RBMS3: variants seen among roughly 807,000 people sequenced by gnomAD.
RBMS3 encodes RNA-binding motif, single-stranded-interacting protein 3.
Under a neutral mutation model 66.8 loss-of-function variants are expected in RBMS3, and 27 were observed. The ratio of observed to expected loss-of-function variants is 0.40; its 90% CI spans 0.30 to 0.56. The LOEUF (loss-of-function observed/expected upper bound fraction) is 0.56. RBMS3 is among the 20% of genes least tolerant of loss of function. RBMS3 has a pLI of 0.40. For synonymous variants in RBMS3, 188 were observed against 183.0 expected (o/e 1.03, Z -0.22); for missense variants, 513 against 549.5 (o/e 0.93, Z 0.66).
chr3:29,377,894 T>A (rs2038560561), intron 1 of RBMS3, among the ~76,000 whole-genome samples: 1 of 152,210 alleles, frequency 6.6e-6, no homozygotes, highest in South Asian at 2.1e-4. Context: ...CCAAAACTAG[T>A]CTTTTAGCAA....
At chr3:29,790,760 C>T (rs577905082) in intron 6 of RBMS3, among the ~76,000 whole-genome samples, 51 of 152,192 alleles carry the variant, frequency 3.4e-4, no homozygotes, top group Non-Finnish European at 5.1e-4. Context: ...AGTCAGTTAT[C>T]GGGATTTTGA....
At chr3:29,808,906 A>G (rs1317663406) in intron 6 of RBMS3, among the ~76,000 whole-genome samples, 9 of 151,966 alleles carry the variant, frequency 5.9e-5, no homozygotes, top group Non-Finnish European at 1.3e-4. Context: ...TTTAAAAGAT[A>G]TTGTAGGAAC....
At chr3:29,803,593 A>G (rs557751006) in intron 6 of RBMS3, among the ~76,000 whole-genome samples, 1 of 152,226 alleles carries the variant, frequency 6.6e-6, no homozygotes, top group South Asian at 2.1e-4. Context: ...GCCAAAAGAT[A>G]TATTTTATCA....
At chr3:29,465,418 T>TTAATATGTTCCTCCAGAG (rs201418037) in intron 2 of RBMS3, among the ~76,000 whole-genome samples, 5,678 of 152,008 alleles carry the variant, frequency 0.037, 236 homozygotes, top group East Asian at 0.24. Flanking sequence ...TAATAAATAG[T>TTAATATGTTCCTCCAGAG]TAATATGTTC....
chr3:29,617,010 AT>A (rs1330424199), intron 4 of RBMS3: 1 of 152,142 alleles, frequency 6.6e-6, no homozygotes, highest in East Asian at 1.9e-4. Context: ...AGTCATTTTT[AT>A]TTTCACTGCA....
chr3:29,387,734 C>T (rs2039073578), intron 1 of RBMS3, among the ~76,000 whole-genome samples: 1 of 151,864 alleles, frequency 6.6e-6, no homozygotes, highest in African/African-American at 2.4e-5. Flanking sequence ...AACCCCGTCC[C>T]TACTAAAAAA....
At chr3:29,604,409 A>C (rs2149122815) in intron 4 of RBMS3, among the ~76,000 whole-genome samples, 1 of 151,998 alleles carries the variant, frequency 6.6e-6, no homozygotes, top group East Asian at 1.9e-4. Context: ...CCTTTGTGAC[A>C]CTTCTATTTT....
chr3:29,954,623 A>G (rs958436993), intron 12 of RBMS3, among the ~76,000 whole-genome samples: 7 of 151,990 alleles, frequency 4.6e-5, no homozygotes, highest in African/African-American at 1.4e-4. Flanking sequence ...CTTTCAGCCA[A>G]TGGTGCTTAA....
intron 5 of RBMS3, among the ~76,000 whole-genome samples, chr3:29,745,567 T>G (rs982621664): frequency 6.6e-6 from 1 of 151,776 alleles, no homozygotes; most frequent in Non-Finnish European, 1.5e-5. Flanking sequence ...CAGTAAAGAA[T>G]GACCCAAAGT....
chr3:29,873,896 T>C (rs955805478), intron 7 of RBMS3, among the ~76,000 whole-genome samples: 1 of 152,240 alleles, frequency 6.6e-6, no homozygotes, highest in Non-Finnish European at 1.5e-5. Context: ...CATTTATTAA[T>C]TGTCATGTGT....
chr3:29,468,924 A>G (rs2042629535), intron 2 of RBMS3, among the ~76,000 whole-genome samples: 2 of 152,124 alleles, frequency 1.3e-5, no homozygotes, highest in Non-Finnish European at 2.9e-5. Context: ...TTTTGTGTGT[A>G]TATTATAACC....
At chr3:29,997,878 T>C (rs1010596503) in intron 14 of RBMS3, among the ~76,000 whole-genome samples, 3 of 152,270 alleles carry the variant, frequency 2.0e-5, no homozygotes, top group African/African-American at 7.2e-5. Flanking sequence ...ATGCCCTCTC[T>C]CACCACTCCT....
At chr3:29,773,334 G>A (rs908796749) in intron 6 of RBMS3, among the ~76,000 whole-genome samples, 1 of 151,980 alleles carries the variant, frequency 6.6e-6, no homozygotes, top group Non-Finnish European at 1.5e-5. Context: ...TATTTAGAAA[G>A]ATAGATAATG....
At chr3:29,927,678 G>A (rs887349265) in intron 10 of RBMS3, among the ~76,000 whole-genome samples, 1 of 152,110 alleles carries the variant, frequency 6.6e-6, no homozygotes, top group Non-Finnish European at 1.5e-5. Flanking sequence ...GAGGTAAGAC[G>A]GACAAGAGAA....
chr3:29,983,481 C>T (rs1169473102), intron 12 of RBMS3, among the ~76,000 whole-genome samples: 1 of 152,036 alleles, frequency 6.6e-6, no homozygotes, highest in Non-Finnish European at 1.5e-5. Context: ...TTATTTTGCC[C>T]ATTAGTTGAT....
At chr3:29,544,715 G>A (rs1360742670) in intron 3 of RBMS3, among the ~76,000 whole-genome samples, 1 of 151,844 alleles carries the variant, frequency 6.6e-6, no homozygotes, top group Non-Finnish European at 1.5e-5. Context: ...GTGTGTGTGT[G>A]TATAGTTGAT....
intron 3 of RBMS3, among the ~76,000 whole-genome samples, chr3:29,503,336 A>G (rs2044049684): frequency 6.6e-6 from 1 of 151,850 alleles, no homozygotes; most frequent in African/African-American, 2.4e-5. Context: ...TCTTACCGAG[A>G]TTTACCTTGT....
chr3:29,523,513 T>A (rs773624), intron 3 of RBMS3, among the ~76,000 whole-genome samples: 91,962 of 151,752 alleles, frequency 0.61, 28,987 homozygotes, highest in African/African-American at 0.77. Context: ...ATATCCAGGG[T>A]TATTTCCTGG....
chr3:29,543,092 T>C (rs978509857), intron 3 of RBMS3, among the ~76,000 whole-genome samples: 12 of 152,012 alleles, frequency 7.9e-5, no homozygotes, highest in African/African-American at 2.9e-4. Context: ...CCACCACATA[T>C]GGGGAAGGAA....
Sources: allele counts gnomAD v4.1 joint callset (sites outside exome capture counted in the v4.1 genomes callset), GRCh38; gene constraint gnomAD v4.1.1; transcripts MANE v1.5; gene names NCBI Gene and HGNC (gene_info 2026-07-23, HGNC 2026-07-21).